MAP4: variants seen among roughly 807,000 people sequenced by gnomAD.
MAP4 encodes microtubule associated protein 4.
A neutral mutation model predicts 170.2 loss-of-function variants in MAP4; 76 were observed. The ratio of observed to expected loss-of-function variants is 0.45; its 90% CI spans 0.37 to 0.54. The LOEUF (loss-of-function observed/expected upper bound fraction) is 0.54, where lower values mean the gene tolerates loss of function less well. Ranked by LOEUF, MAP4 falls within the 20% of genes least tolerant of loss-of-function variation. The pLI, the probability that MAP4 is intolerant of heterozygous loss-of-function variation, is 0.00. For missense variants in MAP4, 2,506 were observed against 2,748.0 expected, an observed-to-expected ratio of 0.91 and a Z score of 1.97; for synonymous variants, 909 against 994.5, an observed-to-expected ratio of 0.91 and a Z score of 1.62.
At chr3:47,872,203 A>G in intron 12 of MAP4, 103 bp from the exon 13 acceptor site, 5 of 1,117,100 alleles carry the variant, frequency 4.5e-6, no homozygotes, top group Non-Finnish European at 6.3e-6. Flanking sequence ...TTGTTTTTGG[A>G]GACGAAGTCT....
At chr3:48,064,263 G>C (rs1426320744) in intron 1 of MAP4, among the ~76,000 whole-genome samples, 1 of 152,136 alleles carries the variant, frequency 6.6e-6, no homozygotes, top group Non-Finnish European at 1.5e-5. Flanking sequence ...GATCGTGTTT[G>C]AGATATTTTG....
intron 1 of MAP4, among the ~76,000 whole-genome samples, chr3:48,076,384 C>G (rs1352567899): frequency 6.6e-6 from 1 of 151,884 alleles, no homozygotes; most frequent in Non-Finnish European, 1.5e-5. Context: ...CACCTGTAGT[C>G]CCAGCTACTT....
At position 47,911,710 on chromosome 3, in the gene MAP4, T is replaced by A. The variant is rs2100036047; in HGVS notation, c.2711A>T (p.Gln904Leu). Reference protein sequence around the residue: ...KLLKQHEYKPQPAPHLKTPVD... With the variant: ...KLLKQHEYKPLPAPHLKTPVD... The stretch of plus-strand genomic sequence containing the variant: ...AGGAGTCTTCAGGTGGGGTGCAGGC[T>A]GTGGTTTGTATTCATGTTGCTTCAG... The change falls in exon 9 of 21, where the codon CAG becomes CTG. Residue 904 changes from glutamine (Q) to leucine (L), a missense_variant. Transcript: ENST00000683076. This position sits in a 1 kb window ranked among gnomAD's most constrained non-coding sequence, Gnocchi z 4.0. 5 of 1,536,144 alleles carry A rather than the reference T, an allele frequency of 3.3e-6. No homozygotes were observed. In the African/African-American group the frequency reaches 4.1e-5, roughly 13 times the overall value.
At chr3:47,928,196 C>T in intron 4 of MAP4, 32 bp downstream of exon 4, 1 of 1,612,402 alleles carries the variant, frequency 6.2e-7, no homozygotes, top group African/African-American at 1.3e-5. Flanking sequence ...TCATAGCACA[C>T]ATTTAGTAGT....
intron 2 of MAP4, among the ~76,000 whole-genome samples, chr3:47,984,240 T>C (rs1346200948): frequency 6.6e-6 from 1 of 151,964 alleles, no homozygotes; most frequent in African/African-American, 2.4e-5. Flanking sequence ...TCAAGTACTC[T>C]TCCCGCCTCT....
chr3:48,083,045 T>C (rs1321838318), intron 1 of MAP4, among the ~76,000 whole-genome samples: 2 of 152,092 alleles, frequency 1.3e-5, no homozygotes, highest in African/African-American at 2.4e-5. Context: ...CTGTCACCTA[T>C]TGGAAGAAAC....
chr3:47,910,877 C>G lies in MAP4; in HGVS notation c.3544G>C (p.Asp1182His). 1 of 1,536,132 alleles carries G rather than the reference C, an allele frequency of 6.5e-7. No individual in the cohort carries two copies. Among genetic ancestry groups the G allele is most frequent in the Admixed American group, 2.0e-5 (1 of 51,002 alleles). Residue 1182 changes from aspartate to histidine, a missense_variant, in exon 9 of 21, where the codon GAT (aspartate) becomes CAT (histidine). Coordinates refer to ENST00000683076, the MANE Select transcript of MAP4 (RefSeq NM_001385682.1). ...TTGCTCTGGTTATTGACACCCATAT[C>G]TTTGACTACATCTCCTGTTTCTGTG... ...VSTETGDVVK[D>H]MGVNNQSKEG...
intron 17 of MAP4, among the ~76,000 whole-genome samples, chr3:47,860,284 A>G (rs1053726245): frequency 6.6e-6 from 1 of 152,334 alleles, no homozygotes; most frequent in African/African-American, 2.4e-5. Context: ...ACCTTAGCTC[A>G]CTGTAGCCTC....
chr3:47,981,684 G>A (rs567709907), intron 2 of MAP4, among the ~76,000 whole-genome samples: 1 of 151,630 alleles, frequency 6.6e-6, no homozygotes, highest in African/African-American at 2.4e-5. Flanking sequence ...AGAATAGCTT[G>A]AACCTGGGAG....
chr3:47,896,493 C>T (rs960043222), intron 10 of MAP4, among the ~76,000 whole-genome samples: 11 of 152,124 alleles, frequency 7.2e-5, no homozygotes, highest in African/African-American at 2.4e-4. Flanking sequence ...CATGCCATTG[C>T]ACTCCAGCCT....
chr3:47,916,300 T>G lies in MAP4; in HGVS notation c.1527A>C (p.Leu509=). The G allele has an allele frequency of 4.3e-6, 7 of 1,614,228 alleles. No individual in the cohort carries two copies. The highest frequency in any genetic ancestry group is 1.3e-5 in the African/African-American group (1 of 75,064). Residue 509 remains leucine, a synonymous_variant, in exon 7 of 21, where the codon CTA becomes CTC. Coordinates refer to ENST00000683076, the MANE Select transcript of MAP4 (RefSeq NM_001385682.1). Reference sequence around the variant, plus strand: ...TGCCCAGAGCCATTTCTGTTTCTGATAGTGGAGACATGTCCTTCAACAAGC... The same window carrying G: ...TGCCCAGAGCCATTTCTGTTTCTGAGAGTGGAGACATGTCCTTCAACAAGC... ...EVGLLKDMSP[L]SETEMALGKD...
At chr3:47,930,125 C>T (rs574360893) in intron 3 of MAP4, among the ~76,000 whole-genome samples, 142 of 151,166 alleles carry the variant, frequency 9.4e-4, no homozygotes, top group African/African-American at 3.3e-3. Flanking sequence ...AGTGAGACTG[C>T]GTCTCAAAAA....
At chr3:47,878,875 T>C (rs2152533749) in intron 10 of MAP4, among the ~76,000 whole-genome samples, 1 of 152,296 alleles carries the variant, frequency 6.6e-6, no homozygotes, top group South Asian at 2.1e-4. Context: ...TCAAAAGTCC[T>C]AAAATTTTAA....
intron 2 of MAP4, among the ~76,000 whole-genome samples, chr3:47,982,956 G>T (rs1390716481): frequency 2.0e-5 from 3 of 152,190 alleles, no homozygotes. Flanking sequence ...GGAGTGCAGT[G>T]GCGCAATCTT....
chr3:48,020,732 C>T (rs1023489931), upstream of MAP4, among the ~76,000 whole-genome samples: 6 of 151,968 alleles, frequency 3.9e-5, no homozygotes, highest in South Asian at 2.1e-4. Flanking sequence ...AAAAAAAACA[C>T]GCTGGATCAG....
At chr3:47,918,007 T>C (rs2100040702) in intron 6 of MAP4, among the ~76,000 whole-genome samples, 1 of 151,990 alleles carries the variant, frequency 6.6e-6, no homozygotes, top group South Asian at 2.1e-4. Context: ...ATTTATTTAT[T>C]TATTTAGCTC....
At chr3:48,040,524 C>T (rs892876591) in intron 1 of MAP4, among the ~76,000 whole-genome samples, 2 of 152,140 alleles carry the variant, frequency 1.3e-5, no homozygotes, top group Admixed American at 6.6e-5. Context: ...CCGCCTCGGC[C>T]TCCCAAAGTG....
At chr3:47,897,998 A>T (rs1440935858) in intron 10 of MAP4, among the ~76,000 whole-genome samples, 1 of 152,012 alleles carries the variant, frequency 6.6e-6, no homozygotes, top group Non-Finnish European at 1.5e-5. Context: ...GCAAAGAGTA[A>T]GATGTGGGTG....
chr3:47,957,212 G>C (rs575500500), intron 3 of MAP4, among the ~76,000 whole-genome samples: 1 of 152,304 alleles, frequency 6.6e-6, no homozygotes, highest in African/African-American at 2.4e-5. Context: ...CTGTCGCCCA[G>C]TCTGGAGTGC....
Sources: allele counts gnomAD v4.1 joint callset (sites outside exome capture counted in the v4.1 genomes callset), GRCh38; gene constraint gnomAD v4.1.1; non-coding constraint Gnocchi (gnomAD v3.1); transcripts MANE v1.5; gene names NCBI Gene and HGNC (gene_info 2026-07-23, HGNC 2026-07-21).